The following CLIC5 variants were observed in gnomAD, a reference collection of about 807,000 sequenced individuals.
CLIC5 encodes CLIC family member 5.
A neutral mutation model predicts 24.7 loss-of-function variants in CLIC5; 20 were observed. The observed-to-expected ratio is 0.81, with a 90% CI of 0.57 to 1.18. The LOEUF (loss-of-function observed/expected upper bound fraction) is 1.18. Among genes scored for constraint, CLIC5 ranks in the 50% most tolerant of loss-of-function variants. The probability of loss-of-function intolerance (pLI) is 0.00; values close to 1 mark genes in which losing one functional copy is unlikely to be tolerated. For missense variants in CLIC5, 341 were observed against 326.1 expected (o/e 1.05, Z -0.35); for synonymous variants, 159 against 135.6 (o/e 1.17, Z -1.20).
At chr6:45,995,389 C>T (rs1183956777) in intron 1 of CLIC5, among the ~76,000 whole-genome samples, 1 of 152,204 alleles carries the variant, frequency 6.6e-6, no homozygotes, top group East Asian at 1.9e-4. Flanking sequence ...CTTGATTTCA[C>T]TCAGTGAGAA....
At position 45,984,978 on chromosome 6, in the gene CLIC5, G is replaced by A. The variant is rs60395389; in HGVS notation, c.64-29734C>T. ...TCACGGGGAAGACACAGAACATTTG[G>A]CACACTCATACTCTTATAAGGCAAT... On this transcript the variant is annotated intron_variant, in intron 1 of 5. Coordinates refer to ENST00000339561, the MANE Select transcript of CLIC5 (RefSeq NM_016929.5). Among the ~76,000 whole-genome samples, 397 of 152,256 alleles carry A rather than the reference G, an allele frequency of 2.6e-3. 2 individuals carry two copies. The highest frequency in any genetic ancestry group is 9.1e-3 in the African/African-American group (380 of 41,548).
chr6:46,124,635 G>A, the CLIC5 span, among the ~76,000 whole-genome samples: 13 of 152,240 alleles, frequency 8.5e-5, 1 homozygote, highest in South Asian at 2.7e-3. Flanking sequence ...CAGAGTGAAT[G>A]GGCAACCTAC....
intron 4 of CLIC5, chr6:45,934,420 AC>A (rs66790502): frequency 0.23 from 34,767 of 152,146 alleles, 4,471 homozygotes; most frequent in South Asian, 0.32. Context: ...AGAAAAGTGG[AC>A]TTGAAGGGGG....
intron 4 of CLIC5, among the ~76,000 whole-genome samples, chr6:45,919,839 T>C (rs9369590): frequency 0.27 from 41,287 of 152,050 alleles, 5,954 homozygotes; most frequent in East Asian, 0.48. Context: ...CTCTCTGAGG[T>C]CAATGAATGC....
intron 1 of CLIC5, among the ~76,000 whole-genome samples, chr6:46,040,437 G>A (rs986544640): frequency 2.6e-5 from 4 of 152,084 alleles, no homozygotes; most frequent in African/African-American, 7.2e-5. Context: ...TAATGGTAGC[G>A]GAACACAGTA....
intron 4 of CLIC5, chr6:45,920,308 G>A (rs1232781100): frequency 3.1e-6 from 3 of 982,916 alleles, no homozygotes; most frequent in Middle Eastern, 5.2e-4. Context: ...GCTGTCACAC[G>A]GGCTGTGTGA....
chr6:45,887,815 C>G (rs1762318678), intron 6 of CLIC5, among the ~76,000 whole-genome samples: 1 of 152,048 alleles, frequency 6.6e-6, no homozygotes, highest in Non-Finnish European at 1.5e-5. Context: ...CATAACGCAA[C>G]TATAGAAGAG....
intron 1 of CLIC5, among the ~76,000 whole-genome samples, chr6:46,042,949 A>T (rs935493545): frequency 1.3e-5 from 2 of 152,200 alleles, no homozygotes; most frequent in Admixed American, 1.3e-4. Flanking sequence ...GCCAAGGCAC[A>T]TGCTTCTGGG....
upstream of CLIC5, among the ~76,000 whole-genome samples, chr6:46,080,882 A>C (rs1264676115): frequency 6.6e-6 from 1 of 152,244 alleles, no homozygotes; most frequent in African/African-American, 2.4e-5. Context: ...TCTGGCCTAT[A>C]GACACATCAG....
intron 1 of CLIC5, among the ~76,000 whole-genome samples, chr6:45,960,267 G>T (rs954161825): frequency 2.3e-4 from 35 of 152,272 alleles, no homozygotes; most frequent in African/African-American, 6.3e-4. Context: ...CATTCAGAGA[G>T]GATCCAAGAA....
At chr6:46,067,057 T>C (rs1762462455) in intron 1 of CLIC5, among the ~76,000 whole-genome samples, 1 of 152,160 alleles carries the variant, frequency 6.6e-6, no homozygotes, top group African/African-American at 2.4e-5. Context: ...AACTTGATCA[T>C]GTTGGCAATA....
chr6:45,905,594 A>T (rs1473123679), intron 5 of CLIC5, among the ~76,000 whole-genome samples: 1 of 148,032 alleles, frequency 6.8e-6, no homozygotes, highest in African/African-American at 2.5e-5. Flanking sequence ...TTTCTTATTC[A>T]ATTGTTTAAG....
At chr6:46,032,543 C>A (rs1335961187) in intron 1 of CLIC5, among the ~76,000 whole-genome samples, 1 of 152,208 alleles carries the variant, frequency 6.6e-6, no homozygotes, top group South Asian at 2.1e-4. Flanking sequence ...CCAAGGCATG[C>A]CAGCATGCTG....
chr6:46,126,854 C>T, the CLIC5 span, among the ~76,000 whole-genome samples: 2 of 152,202 alleles, frequency 1.3e-5, no homozygotes, highest in South Asian at 2.1e-4. Context: ...AACTTCTGAC[C>T]TTCTCCTGGC....
chr6:46,066,450 G>A (rs1318632625), intron 1 of CLIC5, among the ~76,000 whole-genome samples: 1 of 152,074 alleles, frequency 6.6e-6, no homozygotes, highest in Non-Finnish European at 1.5e-5. Context: ...AATAGCTGCA[G>A]GTACTCAAGG....
At chr6:46,087,389 C>T in the CLIC5 span, among the ~76,000 whole-genome samples, 2 of 152,142 alleles carry the variant, frequency 1.3e-5, no homozygotes, top group Admixed American at 6.5e-5. Context: ...CCAAACACCA[C>T]CATTACACCA....
chr6:46,123,295 C>T, the CLIC5 span, among the ~76,000 whole-genome samples: 2 of 152,114 alleles, frequency 1.3e-5, no homozygotes, highest in Non-Finnish European at 2.9e-5. Flanking sequence ...AATCTATAAA[C>T]GTAATCCAGC....
intron 4 of CLIC5, among the ~76,000 whole-genome samples, chr6:45,927,103 C>T (rs1459250285): frequency 1.3e-5 from 2 of 152,144 alleles, no homozygotes; most frequent in Non-Finnish European, 2.9e-5. Context: ...GATGAGGCCC[C>T]GTCATCATCT....
Position 45,948,288 on chromosome 6 carries a change from C to T in CLIC5, c.299+968G>A, listed in dbSNP as rs531754956. On this transcript the variant is annotated intron_variant, in intron 3 of 5. Coordinates refer to ENST00000339561, the MANE Select transcript of CLIC5 (RefSeq NM_016929.5). The stretch of plus-strand genomic sequence containing the variant: ...TATGTCCTGAACCCTTCCTACTCCT[C>T]TCCCCCGATTTTCCTGCCCTGTCTT... Among the ~76,000 whole-genome samples, 25 of 152,338 alleles carry T rather than the reference C, an allele frequency of 1.6e-4. No homozygotes were observed. In the South Asian group the frequency reaches 5.0e-3, roughly 30 times the overall value.
Sources: gnomAD v4.1 joint callset for allele counts (sites outside exome capture counted in the v4.1 genomes callset) on GRCh38, gnomAD v4.1.1 for gene constraint, MANE v1.5 for transcripts, NCBI Gene and HGNC (gene_info 2026-07-23, HGNC 2026-07-21) for gene names.